The following SNX7 variants were observed in gnomAD, a reference collection of about 807,000 sequenced individuals.
SNX7 encodes sorting nexin 7, also known as sorting nexin-7.
SNX7 carries 35 observed loss-of-function variants against 48.4 expected under a neutral mutation model. That is an observed-to-expected ratio of 0.72 (90% CI 0.55 to 0.96). The LOEUF is 0.96. SNX7 is among the 40% of genes least tolerant of loss of function. The probability of loss-of-function intolerance (pLI) is 0.00; values close to 1 mark genes in which losing one functional copy is unlikely to be tolerated. For synonymous variants in SNX7, 190 were observed against 190.2 expected (o/e 1.00, Z 0.01); for missense variants, 553 against 548.9 (o/e 1.01, Z -0.07).
At chr1:98,661,718 C>T (rs1649224422), upstream of SNX7, 3 of 1,216,382 alleles carry the variant, frequency 2.5e-6, no homozygotes, top group Admixed American at 8.7e-5. Context: ...GCCGGCTGGG[C>T]GCGCACTCTC....
At chr1:98,682,850 G>A (rs556501280) in intron 1 of SNX7, among the ~76,000 whole-genome samples, 1 of 152,036 alleles carries the variant, frequency 6.6e-6, no homozygotes, top group South Asian at 2.1e-4. Flanking sequence ...CTCATTTTCT[G>A]GAATTCCTTT....
chr1:98,708,832 A>G (rs2100986856), intron 7 of SNX7, among the ~76,000 whole-genome samples: 1 of 152,316 alleles, frequency 6.6e-6, no homozygotes, highest in Non-Finnish European at 1.5e-5. Flanking sequence ...TTAAATTGCA[A>G]AAATCACCGT....
chr1:98,710,295 A>G (rs1652231861), intron 7 of SNX7, among the ~76,000 whole-genome samples: 2 of 152,176 alleles, frequency 1.3e-5, no homozygotes, highest in African/African-American at 2.4e-5. Flanking sequence ...CTTGATGAAT[A>G]AGGCCTGTGT....
chr1:98,725,561 A>G (rs1307856891), intron 7 of SNX7, among the ~76,000 whole-genome samples: 2 of 152,220 alleles, frequency 1.3e-5, no homozygotes, highest in East Asian at 1.9e-4. Context: ...ATAAAAAACT[A>G]AAGGCCTAAA....
At position 98,742,035 on chromosome 1, in the gene SNX7, A is replaced by AAT. The variant is rs1204298278; in HGVS notation, c.1278+3648_1278+3649dup. Reference sequence around the variant, plus strand: ...GACTTGGCAACAGCTATTAATATAAAATAGAACAATTACCTTTTGTCAGTA... The same window carrying AAT: ...GACTTGGCAACAGCTATTAATATAAAATATAGAACAATTACCTTTTGTCAGTA... On this transcript the variant is annotated intron_variant, in intron 8 of 8. Coordinates refer to ENST00000306121, the MANE Select transcript of SNX7 (RefSeq NM_015976.5). Among the ~76,000 whole-genome samples the AAT allele has an allele frequency of 2.6e-5, 4 of 152,162 alleles. No homozygotes were observed. The East Asian group carries it at 7.7e-4, about 29-fold the overall frequency.
At chr1:98,686,994 A>G (rs1321264361) in intron 2 of SNX7, among the ~76,000 whole-genome samples, 2 of 152,150 alleles carry the variant, frequency 1.3e-5, no homozygotes, top group Non-Finnish European at 2.9e-5. Context: ...TTCTATTTAC[A>G]CATACTTTAA....
At chr1:98,749,465 A>C (rs947165822) in intron 8 of SNX7, among the ~76,000 whole-genome samples, 1 of 152,174 alleles carries the variant, frequency 6.6e-6, no homozygotes, top group South Asian at 2.1e-4. Flanking sequence ...AGTAATTTTT[A>C]GAAAAATAAT....
intron 1 of SNX7, among the ~76,000 whole-genome samples, chr1:98,679,806 G>A (rs959413821): frequency 3.9e-5 from 6 of 152,176 alleles, no homozygotes; most frequent in African/African-American, 1.4e-4. Flanking sequence ...CTGCCCCTGT[G>A]GCTTTGCAGG....
chr1:98,661,559 G>C (rs868776974), upstream of SNX7: 3 of 494,566 alleles, frequency 6.1e-6, no homozygotes, highest in East Asian at 1.5e-4. Flanking sequence ...GCCAGGTGGG[G>C]ATGCGCCCGG....
At chr1:98,661,561 T>A (rs1418449441), upstream of SNX7, 4 of 512,982 alleles carry the variant, frequency 7.8e-6, no homozygotes, top group Non-Finnish European at 1.1e-5. Context: ...CAGGTGGGGA[T>A]GCGCCCGGCC....
intron 1 of SNX7, among the ~76,000 whole-genome samples, chr1:98,669,956 A>G (rs1395264809): frequency 1.3e-5 from 2 of 152,178 alleles, no homozygotes; most frequent in Non-Finnish European, 2.9e-5. Context: ...GAGAGTAGGA[A>G]CTCTATTTAC....
At chr1:98,734,976 C>T (rs1487916650) in intron 7 of SNX7, among the ~76,000 whole-genome samples, 1 of 152,064 alleles carries the variant, frequency 6.6e-6, no homozygotes. Flanking sequence ...CTTTTCCATG[C>T]TATTTTGCAG....
chr1:98,701,670 AAAC>A (rs1181694115), intron 6 of SNX7, 144 bp from the exon 7 acceptor site: 6 of 508,862 alleles, frequency 1.2e-5, no homozygotes, highest in African/African-American at 8.0e-5. Context: ...AAAAAAAAAA[AAAC>A]AACTTTTTAA....
intron 4 of SNX7, among the ~76,000 whole-genome samples, chr1:98,692,409 G>A (rs755898208): frequency 6.6e-6 from 1 of 152,064 alleles, no homozygotes; most frequent in African/African-American, 2.4e-5. Context: ...CTCAGTCTAT[G>A]GTACTTAGCA....
rs1216729682 is a variant in SNX7, at chr1:98,698,755, A to C, written c.888A>C (p.Ser296=). The C allele has an allele frequency of 5.0e-6, 8 of 1,613,444 alleles. No individual in the cohort carries two copies. Among genetic ancestry groups the C allele is most frequent in the Non-Finnish European group, 5.9e-6 (7 of 1,179,684 alleles). ...ATGGCCCAATTCATATTCTGTGGTC[A>C]GCGTCAGAAGAGGATCTGGTTGATA... ...KEYGPIHILW[S]ASEEDLVDTL... The change falls in exon 6 of 9, where the codon TCA becomes TCC. Residue 296 remains serine, a synonymous_variant. Transcript: ENST00000306121.
intron 1 of SNX7, chr1:98,662,736 A>C (rs1205257997): frequency 7.8e-7 from 1 of 1,289,284 alleles, no homozygotes; most frequent in Non-Finnish European, 1.0e-6. Flanking sequence ...GTTGCTGCTG[A>C]GAGAAGACCT....
At chr1:98,711,416 T>G (rs552002413) in intron 7 of SNX7, among the ~76,000 whole-genome samples, 254 of 152,098 alleles carry the variant, frequency 1.7e-3, no homozygotes, top group Non-Finnish European at 3.0e-3. Flanking sequence ...CATTTTGATT[T>G]ATTACAGGCA....
chr1:98,678,566 A>T (rs1240050219), intron 1 of SNX7, among the ~76,000 whole-genome samples: 1 of 152,236 alleles, frequency 6.6e-6, no homozygotes, highest in East Asian at 1.9e-4. Context: ...GAGCTTGGGC[A>T]GGGAAATAAC....
intron 7 of SNX7, among the ~76,000 whole-genome samples, chr1:98,721,580 G>C (rs1652874533): frequency 6.6e-6 from 1 of 151,808 alleles, no homozygotes. Flanking sequence ...TAAGTAAACT[G>C]GGAAAAATAA....
Sources: gnomAD v4.1 joint callset for allele counts (sites outside exome capture counted in the v4.1 genomes callset) on GRCh38, gnomAD v4.1.1 for gene constraint, MANE v1.5 for transcripts, NCBI Gene and HGNC (gene_info 2026-07-23, HGNC 2026-07-21) for gene names.